LRRIQ1: variants seen among roughly 807,000 people sequenced by gnomAD.
LRRIQ1 encodes leucine-rich repeat- and IQ domain-containing protein 1.
A neutral mutation model predicts 211.9 loss-of-function variants in LRRIQ1; 210 were observed. The observed-to-expected ratio is 0.99, with a 90% confidence interval of 0.89 to 1.11. The LOEUF (loss-of-function observed/expected upper bound fraction) is 1.11. Among genes scored for constraint, LRRIQ1 ranks in the 50% most tolerant of loss-of-function variants. The pLI is 0.00. For missense variants in LRRIQ1, 2,136 were observed against 1,939.5 expected, an observed-to-expected ratio of 1.10 and a Z score of -1.90; for synonymous variants, 699 against 650.1, an observed-to-expected ratio of 1.08 and a Z score of -1.14.
At chr12:85,089,681 C>T (rs1363965624) in intron 11 of LRRIQ1, among the ~76,000 whole-genome samples, 1 of 152,188 alleles carries the variant, frequency 6.6e-6, no homozygotes, top group African/African-American at 2.4e-5. Context: ...TTCCAGACTT[C>T]GCCTGGCTGC....
intron 19 of LRRIQ1, among the ~76,000 whole-genome samples, chr12:85,144,827 C>A (rs1020394883): frequency 6.6e-6 from 1 of 151,474 alleles, no homozygotes; most frequent in East Asian, 1.9e-4. Context: ...GTTTGCAATG[C>A]GGAGATTACT....
At chr12:85,205,371 C>T (rs1305412779) in intron 24 of LRRIQ1, among the ~76,000 whole-genome samples, 1 of 152,124 alleles carries the variant, frequency 6.6e-6, no homozygotes, top group Non-Finnish European at 1.5e-5. Context: ...CTTACTTGGA[C>T]TGGATATGAC....
intron 24 of LRRIQ1, among the ~76,000 whole-genome samples, chr12:85,212,092 A>T (rs1010903430): frequency 6.6e-6 from 1 of 151,882 alleles, no homozygotes; most frequent in African/African-American, 2.4e-5. Flanking sequence ...CATGGCAAAA[A>T]CCCGTCTCTA....
chr12:85,165,108 G>A (rs2708497), intron 24 of LRRIQ1, among the ~76,000 whole-genome samples: 2,545 of 152,198 alleles, frequency 0.017, 73 homozygotes, highest in African/African-American at 0.059. Context: ...TCAAGTCTGT[G>A]AGATTATTAG....
intron 1 of LRRIQ1, among the ~76,000 whole-genome samples, chr12:85,257,307 CA>C (rs1310916669): frequency 6.9e-6 from 1 of 144,276 alleles, no homozygotes; most frequent in African/African-American, 2.5e-5. Flanking sequence ...TCTTTAATTA[CA>C]AATATTTGTA....
rs111432846 is a variant in LRRIQ1 at position 85,100,637 on chromosome 12, T to G, written c.3209+1643T>G. Among the ~76,000 whole-genome samples the G allele has an allele frequency of 2.4e-4, 37 of 151,790 alleles. 1 individual carries two copies. Among genetic ancestry groups the G allele is most frequent in the African/African-American group, 8.9e-4 (37 of 41,512 alleles). ...TGTATAATATATGTGATTTTGACAT[T>G]TCAAATAATACTGTCACTGATACTG... On this transcript the variant is annotated intron_variant, in intron 13 of 26. Transcript: ENST00000393217.
At chr12:85,208,082 C>T (rs1893652253) in intron 24 of LRRIQ1, among the ~76,000 whole-genome samples, 2 of 150,710 alleles carry the variant, frequency 1.3e-5, no homozygotes. Context: ...TTAACGTGTA[C>T]AGTGTGCTAT....
intron 24 of LRRIQ1, among the ~76,000 whole-genome samples, chr12:85,221,298 T>A (rs1175346092): frequency 6.6e-6 from 1 of 152,166 alleles, no homozygotes; most frequent in Non-Finnish European, 1.5e-5. Context: ...TTTCTCAGGG[T>A]ACTGAGACAA....
At chr12:85,175,168 C>T (rs1311751697) in intron 24 of LRRIQ1, among the ~76,000 whole-genome samples, 1 of 152,102 alleles carries the variant, frequency 6.6e-6, no homozygotes. Flanking sequence ...GCTCAGAAAG[C>T]TACTGAGGGA....
At chr12:85,102,545 T>C (rs1886422820) in intron 13 of LRRIQ1, among the ~76,000 whole-genome samples, 1 of 151,772 alleles carries the variant, frequency 6.6e-6, no homozygotes, top group African/African-American at 2.4e-5. Flanking sequence ...TACTTTTTCA[T>C]CAGTAGTGTA....
At chr12:85,084,441 T>C (rs768100845) in intron 11 of LRRIQ1, among the ~76,000 whole-genome samples, 1 of 152,116 alleles carries the variant, frequency 6.6e-6, no homozygotes, top group Non-Finnish European at 1.5e-5. Flanking sequence ...TTAGAAAAAG[T>C]TCAAGTGGAT....
intron 24 of LRRIQ1, among the ~76,000 whole-genome samples, chr12:85,208,069 A>G (rs1893650789): frequency 6.6e-6 from 1 of 151,940 alleles, no homozygotes; most frequent in Non-Finnish European, 1.5e-5. Flanking sequence ...ATATATACAT[A>G]TATTAACGTG....
chr12:85,135,471 TTCTATC>T (rs1889058967), intron 18 of LRRIQ1, among the ~76,000 whole-genome samples: 2 of 151,972 alleles, frequency 1.3e-5, no homozygotes, highest in Middle Eastern at 6.8e-3. Context: ...TGGTGATACT[TTCTATC>T]TACTATTCTT....
intron 13 of LRRIQ1, among the ~76,000 whole-genome samples, chr12:85,102,228 A>G (rs1411464548): frequency 6.6e-6 from 1 of 151,664 alleles, no homozygotes; most frequent in Non-Finnish European, 1.5e-5. Flanking sequence ...GTAAAGGTAA[A>G]GCCTGAATTT....
Position 85,089,906 on chromosome 12 carries a change from A to G in LRRIQ1, c.2888-8449A>G, listed in dbSNP as rs1885203777. Among the ~76,000 whole-genome samples the G allele has an allele frequency of 2.0e-5, 3 of 152,236 alleles. No homozygotes were observed. In the South Asian group the frequency reaches 6.2e-4, roughly 32 times the overall value. The stretch of plus-strand genomic sequence containing the variant: ...ATGACTAAAAAGGAGGCAAGTGCTG[A>G]TAGCCAAGACAATAAGGAAAAAGCT... On this transcript the variant is annotated intron_variant, in intron 11 of 26. Coordinates refer to ENST00000393217, the MANE Select transcript of LRRIQ1 (RefSeq NM_001079910.2).
intron 8 of LRRIQ1, among the ~76,000 whole-genome samples, chr12:85,061,814 T>C (rs1881844174): frequency 2.0e-5 from 3 of 151,796 alleles, no homozygotes; most frequent in South Asian, 4.1e-4. Flanking sequence ...ATTTTCTTTC[T>C]GAAAAAATTA....
intron 11 of LRRIQ1, among the ~76,000 whole-genome samples, chr12:85,087,973 G>T (rs573492283): frequency 1.3e-5 from 2 of 152,098 alleles, no homozygotes; most frequent in South Asian, 4.2e-4. Flanking sequence ...GTCAATTTTG[G>T]CTTTTGTTGC....
intron 13 of LRRIQ1, among the ~76,000 whole-genome samples, chr12:85,102,076 A>C (rs910081594): frequency 6.6e-6 from 1 of 151,672 alleles, no homozygotes; most frequent in Non-Finnish European, 1.5e-5. Context: ...GAGCACAGAA[A>C]CAATTTTCTT....
intron 15 of LRRIQ1, among the ~76,000 whole-genome samples, chr12:85,109,978 A>G (rs1332432106): frequency 6.6e-6 from 1 of 152,036 alleles, no homozygotes; most frequent in Non-Finnish European, 1.5e-5. Flanking sequence ...TAACTTTTTT[A>G]TGTCTCTGAA....
Sources: allele counts gnomAD v4.1 joint callset (sites outside exome capture counted in the v4.1 genomes callset), GRCh38; gene constraint gnomAD v4.1.1; transcripts MANE v1.5; gene names NCBI Gene and HGNC (gene_info 2026-07-23, HGNC 2026-07-21).